Variants in UBE3A observed in about 807,000 individuals in gnomAD.
The protein encoded by UBE3A is ubiquitin-protein ligase E3A.
Under a neutral mutation model 83.4 loss-of-function variants are expected in UBE3A, and 6 were observed. That is an observed-to-expected ratio of 0.07 (90% confidence interval 0.04 to 0.14). The LOEUF is 0.14. Ranked by LOEUF, UBE3A falls within the 10% of genes least tolerant of loss-of-function variation. UBE3A has a pLI of 1.00. For synonymous variants in UBE3A, 337 were observed against 355.4 expected (o/e 0.95, Z 0.58); for missense variants, 456 against 1,036.1 (o/e 0.44, Z 7.69).
intron 8 of UBE3A, 27 bp downstream of exon 8, chr15:25,356,664 G>T: frequency 6.2e-7 from 1 of 1,603,964 alleles, no homozygotes; most frequent in Non-Finnish European, 8.5e-7. Flanking sequence ...CTAAGAGACT[G>T]AATTAAAAAA....
intron 4 of UBE3A, among the ~76,000 whole-genome samples, chr15:25,386,705 G>C (rs890295551): frequency 6.6e-6 from 1 of 151,150 alleles, no homozygotes; most frequent in Admixed American, 6.6e-5. Flanking sequence ...GTAAGCCAGA[G>C]GGAAAAAATC....
At chr15:25,435,253 C>T (rs1490345302) in intron 1 of UBE3A, among the ~76,000 whole-genome samples, 2 of 152,016 alleles carry the variant, frequency 1.3e-5, no homozygotes, top group East Asian at 1.9e-4. Context: ...CACACACACA[C>T]ACACACAAAT....
At chr15:25,393,034 C>G (rs1416492042) in intron 4 of UBE3A, among the ~76,000 whole-genome samples, 1 of 151,710 alleles carries the variant, frequency 6.6e-6, no homozygotes, top group Non-Finnish European at 1.5e-5. Context: ...AACTAAAACA[C>G]AAGGAGTCAC....
In UBE3A at chr15:25,404,322, G is replaced by C. The variant is rs371671049; in HGVS notation, c.62+1139C>G. On this transcript the variant is annotated intron_variant, in intron 4 of 12. Coordinates refer to ENST00000648336, the MANE Select transcript of UBE3A (RefSeq NM_130839.5). The stretch of plus-strand genomic sequence containing the variant: ...TTACTTCCTTGTTCTAATTTCATTA[G>C]ATGGGCATCTTTCCTCTTATTCAAG... 4.6e-4 allele frequency among the ~76,000 whole-genome samples: 70 copies of C among 152,088 alleles called. No homozygotes were observed. In the East Asian group the frequency reaches 6.2e-3, roughly 13 times the overall value.
chr15:25,348,677 TAAAC>T (rs1048054701), intron 11 of UBE3A, among the ~76,000 whole-genome samples: 1 of 152,208 alleles, frequency 6.6e-6, no homozygotes, highest in African/African-American at 2.4e-5. Flanking sequence ...AAGATAGTAA[TAAAC>T]AAGTGAAAAG....
intron 11 of UBE3A, among the ~76,000 whole-genome samples, chr15:25,343,553 GA>G (rs1401455975): frequency 6.6e-6 from 1 of 151,798 alleles, no homozygotes; most frequent in Non-Finnish European, 1.5e-5. Context: ...ACAGACTCTA[GA>G]AAATTAAAAA....
chr15:25,408,994 A>G (rs569477629), intron 3 of UBE3A, 94 bp downstream of exon 3: 1 of 1,325,166 alleles, frequency 7.5e-7, no homozygotes, highest in East Asian at 2.5e-5. Context: ...TCTTAGCAGT[A>G]TTCCTGCCAA....
At chr15:25,419,731 T>C (rs922127295) in intron 1 of UBE3A, among the ~76,000 whole-genome samples, 4 of 152,010 alleles carry the variant, frequency 2.6e-5, no homozygotes, top group African/African-American at 9.7e-5. Context: ...AGAAGTAAAA[T>C]GTTAAGATCA....
Position 25,339,248 on chromosome 15 carries a change from T to C in UBE3A, c.2508A>G (p.Thr836=). Residue 836 remains threonine (T), a synonymous_variant, in exon 13 of 13, where the codon ACA becomes ACG. Transcript: ENST00000648336. ...AAAGCACATTAAAGCAAGTATGAGATGTAGGTAACCTAAATAGAGAAAAGG... is the reference window on the plus strand; with the variant it reads ...AAAGCACATTAAAGCAAGTATGAGACGTAGGTAACCTAAATAGAGAAAAGG... ...KNGPDTERLP[T]SHTCFNVLLL... 1 of 1,612,650 alleles carries C rather than the reference T, an allele frequency of 6.2e-7. No homozygotes were observed. The highest frequency in any genetic ancestry group is 2.2e-5 in the East Asian group (1 of 44,786).
chr15:25,335,562 G>A lies in UBE3A; in HGVS notation c.*3575C>T, dbSNP rs1461673520. 1 of 152,040 alleles carries A rather than the reference G, an allele frequency of 6.6e-6. No homozygotes were observed. The highest frequency in any genetic ancestry group is 1.5e-5 in the Non-Finnish European group (1 of 68,018). 9.4% of individuals were successfully genotyped at this position (152,040 alleles called of 1,614,324 possible). A position where few individuals can be genotyped will look rare whatever the true frequency, so the allele number is the denominator to read the frequency against. On this transcript the variant is annotated 3_prime_UTR_variant, in exon 13 of 13. Transcript: ENST00000648336. ...AAGGAATGATGGGAGAGGTTTAGGG[G>A]GAAAGAAGTGACAACCTGTGACAAT...
intron 1 of UBE3A, among the ~76,000 whole-genome samples, chr15:25,424,477 C>T (rs1221421717): frequency 6.6e-6 from 1 of 152,110 alleles, no homozygotes; most frequent in African/African-American, 2.4e-5. Flanking sequence ...TTTTACCTAT[C>T]TTTATGATCT....
In UBE3A at chr15:25,393,732, G is replaced by A. The variant is rs528022803; in HGVS notation, c.62+11729C>T. On this transcript the variant is annotated intron_variant, in intron 4 of 12. Coordinates refer to ENST00000648336, the MANE Select transcript of UBE3A (RefSeq NM_130839.5). ...CAACTATCCCTACTGTGAACTAGAA[G>A]TATGTTTCCTTACATTTGAAACAGA... 35 of 152,286 alleles carry A rather than the reference G, an allele frequency of 2.3e-4. No individual in the cohort carries two copies. The South Asian group carries it at 7.0e-3, about 31-fold the overall frequency. The allele number at this position is 152,286 out of a possible 1,614,324, so 9.4% of individuals were successfully genotyped here. A position where few individuals can be genotyped will look rare whatever the true frequency, so the allele number is the denominator to read the frequency against.
chr15:25,424,322 C>G (rs537799667), intron 1 of UBE3A, among the ~76,000 whole-genome samples: 1 of 152,288 alleles, frequency 6.6e-6, no homozygotes, highest in South Asian at 2.1e-4. Flanking sequence ...ACATGGCTAG[C>G]TCTCTCATCT....
chr15:25,348,976 T>C (rs538439508), intron 11 of UBE3A, among the ~76,000 whole-genome samples: 1 of 152,230 alleles, frequency 6.6e-6, no homozygotes, highest in Admixed American at 6.5e-5. Context: ...AATATTTATA[T>C]GCAAATAAAA....
chr15:25,363,843 CTA>C (rs759222457), intron 6 of UBE3A, among the ~76,000 whole-genome samples: 9 of 151,718 alleles, frequency 5.9e-5, no homozygotes, highest in Non-Finnish European at 1.2e-4. Flanking sequence ...TTGTTATTAC[CTA>C]TTTTAGATTA....
intron 4 of UBE3A, among the ~76,000 whole-genome samples, chr15:25,393,330 A>T (rs1475323229): frequency 1.3e-5 from 2 of 152,222 alleles, no homozygotes; most frequent in African/African-American, 2.4e-5. Context: ...TAGTAAAAAC[A>T]AGCGTTCATC....
chr15:25,363,586 G>C (rs1425527603), intron 6 of UBE3A, among the ~76,000 whole-genome samples: 2 of 152,162 alleles, frequency 1.3e-5, no homozygotes, highest in East Asian at 1.9e-4. Flanking sequence ...GTCACAGTAA[G>C]TTGTGGAACA....
chr15:25,430,922 A>G (rs539255318), intron 1 of UBE3A, among the ~76,000 whole-genome samples: 1 of 152,330 alleles, frequency 6.6e-6, no homozygotes, highest in South Asian at 2.1e-4. Context: ...GACTTATCCC[A>G]TACTGAGTTA....
chr15:25,422,812 CAA>C lies in UBE3A; in HGVS notation c.-164-10843_-164-10842del, dbSNP rs71418043. On this transcript the variant is annotated intron_variant, in intron 1 of 12. Coordinates refer to ENST00000648336, the MANE Select transcript of UBE3A (RefSeq NM_130839.5). ...CAACACACTGAGATACGTTCTCTAC[CAA>C]AAAAAAAAAAAAAAACCAACCAACC... Among the ~76,000 whole-genome samples the C allele has an allele frequency of 3.5e-3, 406 of 114,610 alleles. 9 individuals are homozygous for C. Among genetic ancestry groups the C allele is most frequent in the Admixed American group, 0.022 (254 of 11,448 alleles). The allele number at this position is 114,610 out of a possible 152,430, so 75.2% of individuals were successfully genotyped here.
Sources: allele counts gnomAD v4.1 joint callset (sites outside exome capture counted in the v4.1 genomes callset), GRCh38; gene constraint gnomAD v4.1.1; transcripts MANE v1.5; gene names NCBI Gene and HGNC (gene_info 2026-07-23, HGNC 2026-07-21).